The following RASAL3 variants were observed in gnomAD, a reference collection of about 807,000 sequenced individuals.
RASAL3 encodes the protein RAS protein activator like 3.
Under a neutral mutation model 105.5 loss-of-function variants are expected in RASAL3, and 74 were observed. The ratio of observed to expected loss-of-function variants is 0.70; its 90% CI spans 0.58 to 0.85. The LOEUF (loss-of-function observed/expected upper bound fraction) is 0.85, where lower values mean the gene tolerates loss of function less well. Among genes scored for constraint, RASAL3 ranks in the 40% least tolerant of loss-of-function variants. The pLI is 0.00. For synonymous variants in RASAL3, 579 were observed against 591.6 expected (o/e 0.98, Z 0.31); for missense variants, 1,352 against 1,392.0 (o/e 0.97, Z 0.46).
rs1970163283 is a variant in RASAL3, at chr19:15,451,939, C to T, written c.2893-1G>A. 6.2e-7 allele frequency: 1 copy of T among 1,610,552 alleles called. No homozygotes were observed. The highest frequency in any genetic ancestry group is 1.3e-5 in the African/African-American group (1 of 74,898). On this transcript the variant is annotated splice_acceptor_variant, in intron 17 of 17. Transcript: ENST00000343625. LOFTEE classifies it high-confidence loss of function. ...TCTCCATCTCATTTAGGCGGTGCTCCTGGGGAGGCAGTGGTGATGGGGTTC... is the reference window on the plus strand; with the variant it reads ...TCTCCATCTCATTTAGGCGGTGCTCTTGGGGAGGCAGTGGTGATGGGGTTC...
In RASAL3 at chr19:15,451,750, A is replaced by G. The variant is rs1258619741; in HGVS notation, c.*45T>C. ...GTCAGACACCCCCCCTAAGATGGCT[A>G]TCTCTCTGCTCCCAGACCACGTGTG... is the stretch of plus-strand genomic sequence containing the variant. On this transcript the variant is annotated 3_prime_UTR_variant, in exon 18 of 18. Transcript: ENST00000343625. 18 of 1,552,776 alleles carry G rather than the reference A, an allele frequency of 1.2e-5. No homozygotes were observed. Among genetic ancestry groups the G allele is most frequent in the East Asian group, 4.6e-5 (2 of 43,942 alleles).
At position 15,457,415 on chromosome 19, in the gene RASAL3, C is replaced by A; in HGVS notation, c.1308G>T (p.Ala436=). 6.9e-7 allele frequency: 1 copy of A among 1,448,266 alleles called. No homozygotes were observed. Among genetic ancestry groups the A allele is most frequent in the Non-Finnish European group, 9.1e-7 (1 of 1,104,088 alleles). 89.7% of individuals were successfully genotyped at this position (1,448,266 alleles called of 1,614,324 possible). A position where few individuals can be genotyped will look rare whatever the true frequency, so the allele number is the denominator to read the frequency against. The change falls in exon 9 of 18, where the codon GCG becomes GCT. Residue 436 remains alanine, a synonymous_variant. Coordinates refer to ENST00000343625, the MANE Select transcript of RASAL3 (RefSeq NM_022904.3). This position sits in a 1 kb window ranked among gnomAD's most constrained non-coding sequence, Gnocchi z 8.6. ...GCGCATAGTGGAAGGTGAGGAACTC[C>A]GCCAGCTCCTTGTAGCGCTCGGACG... is the stretch of plus-strand genomic sequence containing the variant. The part of the protein sequence containing the change: ...VLPSERYKEL[A]EFLTFHYARL...
chr19:15,457,703 C>G lies in RASAL3; in HGVS notation c.1020G>C (p.Thr340=). Reference sequence around the variant, plus strand: ...GCTGGCCTGGGCCGGCCCGAGGCGCCGTGCGTGCCAGCAGCGCGCCATCCA... The same window carrying G: ...GCTGGCCTGGGCCGGCCCGAGGCGCGGTGCGTGCCAGCAGCGCGCCATCCA... ...LWLDGALLAR[T]APRAGPGQLF... is the part of the protein sequence containing the mutation. The change falls in exon 9 of 18, where the codon ACG becomes ACC. Residue 340 remains threonine, a synonymous_variant. Coordinates refer to ENST00000343625, the MANE Select transcript of RASAL3 (RefSeq NM_022904.3). The surrounding 1 kb of genome is among the most constrained non-coding windows in gnomAD (Gnocchi z 8.6). The G allele has an allele frequency of 6.8e-7, 1 of 1,476,936 alleles. No individual in the cohort carries two copies. 91.5% of individuals were successfully genotyped at this position (1,476,936 alleles called of 1,614,324 possible).
rs1002252724 is a variant in RASAL3 at position 15,453,841 on chromosome 19, C to T, written c.2279+308G>A. 6.6e-6 allele frequency among the ~76,000 whole-genome samples: 1 copy of T among 151,932 alleles called. No homozygotes were observed. Among genetic ancestry groups the T allele is most frequent in the Non-Finnish European group, 1.5e-5 (1 of 67,982 alleles). On this transcript the variant is annotated intron_variant, in intron 14 of 17. Transcript: ENST00000343625. This position sits in a 1 kb window ranked among gnomAD's most constrained non-coding sequence, Gnocchi z 4.2. ...TAAGTTCCTGGCCTCAAGTGATCCTCCTGCCTCAGCCTCCCAAAGTGCTGG... is the reference window on the plus strand; with the variant it reads ...TAAGTTCCTGGCCTCAAGTGATCCTTCTGCCTCAGCCTCCCAAAGTGCTGG...
At position 15,456,416 on chromosome 19, in the gene RASAL3, T is replaced by C. The variant is rs1970321085; in HGVS notation, c.1576+86A>G. ...CCCAAAACACCACTCACTACCAGAA[T>C]CCAGGTTGCTCAAGGACTCTTAGAA... On this transcript the variant is annotated intron_variant, in intron 10 of 17. Transcript: ENST00000343625. The surrounding 1 kb of genome is among the most constrained non-coding windows in gnomAD (Gnocchi z 4.4). The C allele has an allele frequency of 6.4e-7, 1 of 1,562,262 alleles. No individual in the cohort carries two copies. The highest frequency in any genetic ancestry group is 1.2e-5 in the South Asian group (1 of 86,182).
Position 15,451,956 on chromosome 19 carries a change from A to G in RASAL3, c.2893-18T>C, listed in dbSNP as rs750594515. On this transcript the variant is annotated intron_variant, in intron 17 of 17. Transcript: ENST00000343625. ...CGGTGCTCCTGGGGAGGCAGTGGTG[A>G]TGGGGTTCAGAAACCAGGAGAGGGC... 2 of 1,611,332 alleles carry G rather than the reference A, an allele frequency of 1.2e-6. No homozygotes were observed. The highest frequency in any genetic ancestry group is 1.1e-5 in the South Asian group (1 of 91,042).
rs1253855109 is a variant in RASAL3, at chr19:15,457,270, C to T, written c.1431+22G>A. On this transcript the variant is annotated intron_variant, in intron 9 of 17. Transcript: ENST00000343625. The surrounding 1 kb of genome is among the most constrained non-coding windows in gnomAD (Gnocchi z 8.6). ...TCGGTCTACCCCTGGTAGCCCCGGT[C>T]CGCGCTGTCGCGGTGCCGCACCTGC... 41 of 1,256,896 alleles carry T rather than the reference C, an allele frequency of 3.3e-5. 1 individual carries two copies. Among genetic ancestry groups the T allele is most frequent in the South Asian group, 7.7e-5 (3 of 39,040 alleles). The allele number at this position is 1,256,896 out of a possible 1,614,324, so 77.9% of individuals were successfully genotyped here. A position where few individuals can be genotyped will look rare whatever the true frequency, so the allele number is the denominator to read the frequency against.
At chr19:15,459,991 T>A (rs369957581) in intron 6 of RASAL3, among the ~76,000 whole-genome samples, 81 of 152,312 alleles carry the variant, frequency 5.3e-4, no homozygotes, top group African/African-American at 1.8e-3. Context: ...ACCAGTTGAT[T>A]GACTTAGCTC....
Position 15,451,748 on chromosome 19 carries a change from C to T in RASAL3, c.*47G>A, listed in dbSNP as rs752407613. 1 of 1,551,376 alleles carries T rather than the reference C, an allele frequency of 6.4e-7. No individual in the cohort carries two copies. The highest frequency in any genetic ancestry group is 8.8e-7 in the Non-Finnish European group (1 of 1,141,946). ...AAGTCAGACACCCCCCCTAAGATGG[C>T]TATCTCTCTGCTCCCAGACCACGTG... On this transcript the variant is annotated 3_prime_UTR_variant, in exon 18 of 18. Transcript: ENST00000343625.
Position 15,456,442 on chromosome 19 carries a change from C to CTTCA in RASAL3, c.1576+56_1576+59dup. On this transcript the variant is annotated intron_variant, in intron 10 of 17. Transcript: ENST00000343625. This position sits in a 1 kb window ranked among gnomAD's most constrained non-coding sequence, Gnocchi z 4.4. ...CCAGGTTGCTCAAGGACTCTTAGAA[C>CTTCA]TTCACCCAGGTCCCCTAGCTCACCA... The CTTCA allele has an allele frequency of 6.2e-7, 1 of 1,600,442 alleles. No homozygotes were observed.
chr19:15,459,190 C>T (rs1313432845), intron 6 of RASAL3, among the ~76,000 whole-genome samples: 1 of 151,826 alleles, frequency 6.6e-6, no homozygotes, highest in Non-Finnish European at 1.5e-5. Context: ...CCACCCGCCT[C>T]AGCCTCACCA....
chr19:15,464,120 G>T lies in RASAL3; in HGVS notation c.239C>A (p.Thr80Asn). 1 of 1,613,520 alleles carries T rather than the reference G, an allele frequency of 6.2e-7. No individual in the cohort carries two copies. Among genetic ancestry groups the T allele is most frequent in the Non-Finnish European group, 8.5e-7 (1 of 1,179,806 alleles). The change falls in exon 2 of 18, where the codon ACC (threonine) becomes AAC (asparagine). Residue 80 changes from threonine to asparagine, a missense_variant. Thr to Asn is a moderately conservative substitution (Grantham distance 65). Transcript: ENST00000343625. Reference sequence around the variant, plus strand: ...GGCCTTGGAGAGTCGAAGGCGACTGGTCCGTGACTCCTTGGGAGGCGCAGA... The same window carrying T: ...GGCCTTGGAGAGTCGAAGGCGACTGTTCCGTGACTCCTTGGGAGGCGCAGA... ...VLSAPPKESR[T>N]SRLRLSKALW...
At position 15,453,593 on chromosome 19, in the gene RASAL3, T is replaced by G; in HGVS notation, c.2280-96A>C. On this transcript the variant is annotated intron_variant, in intron 14 of 17. Transcript: ENST00000343625. This position sits in a 1 kb window ranked among gnomAD's most constrained non-coding sequence, Gnocchi z 4.2. ...AGTGACCTCACCCCCCACGTGAACTTGTCCTTTCTTTTTTTTTTTTGAGAC... is the reference window on the plus strand; with the variant it reads ...AGTGACCTCACCCCCCACGTGAACTGGTCCTTTCTTTTTTTTTTTTGAGAC... The G allele has an allele frequency of 1.6e-6, 2 of 1,267,222 alleles. No homozygotes were observed. Among genetic ancestry groups the G allele is most frequent in the East Asian group, 3.1e-5 (1 of 31,894 alleles). 78.5% of individuals were successfully genotyped at this position (1,267,222 alleles called of 1,614,324 possible).
intron 2 of RASAL3, 71 bp from the exon 3 acceptor site, chr19:15,461,678 C>T (rs889160520): frequency 1.5e-5 from 22 of 1,431,968 alleles, no homozygotes; most frequent in African/African-American, 5.8e-5. Flanking sequence ...TTTCCATTCC[C>T]GAAGGCTCAT....
intron 11 of RASAL3, among the ~76,000 whole-genome samples, chr19:15,455,896 T>C (rs1001128259): frequency 9.9e-5 from 15 of 152,170 alleles, no homozygotes; most frequent in African/African-American, 1.4e-4. Flanking sequence ...AGCAATCCTC[T>C]TGTCTCGGCC....
rs1350976454 is a variant in RASAL3 at position 15,456,603 on chromosome 19, C to T, written c.1475G>A (p.Gly492Glu). 3 of 1,613,404 alleles carry T rather than the reference C, an allele frequency of 1.9e-6. No individual in the cohort carries two copies. Among genetic ancestry groups the T allele is most frequent in the Non-Finnish European group, 2.5e-6 (3 of 1,179,742 alleles). The part of the protein sequence containing the change: ...DLGTAELARC[G>E]GREALLFREN... The stretch of plus-strand genomic sequence containing the variant: ...CCGGAACAGCAGCGCCTCACGGCCT[C>T]CACAGCGCGCCAGCTCCGCAGTGCC... Residue 492 changes from glycine to glutamate, a missense_variant, in exon 10 of 18, where the codon GGA becomes GAA. Physicochemically the swap from Gly to Glu is moderately conservative, Grantham distance 98. Coordinates refer to ENST00000343625, the MANE Select transcript of RASAL3 (RefSeq NM_022904.3). The surrounding 1 kb of genome is among the most constrained non-coding windows in gnomAD (Gnocchi z 4.4).
chr19:15,458,763 G>T, intron 6 of RASAL3, 108 bp from the exon 7 acceptor site: 1 of 1,415,680 alleles, frequency 7.1e-7, no homozygotes, highest in Non-Finnish European at 9.4e-7. Flanking sequence ...TTCGGATCCC[G>T]TTTCTCCCCC....
Position 15,451,898 on chromosome 19 carries a change from A to T in RASAL3, c.2933T>A (p.Leu978Gln). Reference sequence around the variant, plus strand: ...CTGCAGGCTCTGGACAGCATCCCTCAGCTGAGCCTGAGTTCTCTCCATCTC... The same window carrying T: ...CTGCAGGCTCTGGACAGCATCCCTCTGCTGAGCCTGAGTTCTCTCCATCTC... Reference protein sequence around the residue: ...LNEMERTQAQLRDAVQSLQLS... With the variant: ...LNEMERTQAQQRDAVQSLQLS... Residue 978 changes from leucine to glutamine, a missense_variant, in exon 18 of 18, where the codon CTG becomes CAG. By Grantham distance (113) the Leu-to-Gln change is moderately radical. Coordinates refer to ENST00000343625, the MANE Select transcript of RASAL3 (RefSeq NM_022904.3). 1 of 1,608,566 alleles carries T rather than the reference A, an allele frequency of 6.2e-7. No individual in the cohort carries two copies. Among genetic ancestry groups the T allele is most frequent in the Non-Finnish European group, 8.5e-7 (1 of 1,175,434 alleles).
At position 15,456,655 on chromosome 19, in the gene RASAL3, G is replaced by A; in HGVS notation, c.1432-9C>T. ...AGGTCAGTCACCAGCGCCTAGGAAG[G>A]GCAGGAGGTCAGGTTGCACCAGATG... On this transcript the variant is annotated splice_polypyrimidine_tract_variant and intron_variant, in intron 9 of 17. Coordinates refer to ENST00000343625, the MANE Select transcript of RASAL3 (RefSeq NM_022904.3). This position sits in a 1 kb window ranked among gnomAD's most constrained non-coding sequence, Gnocchi z 4.4. 6.2e-7 allele frequency: 1 copy of A among 1,610,168 alleles called. No homozygotes were observed. Among genetic ancestry groups the A allele is most frequent in the Non-Finnish European group, 8.5e-7 (1 of 1,179,034 alleles).
Sources: allele counts gnomAD v4.1 joint callset (sites outside exome capture counted in the v4.1 genomes callset), GRCh38; gene constraint gnomAD v4.1.1; non-coding constraint Gnocchi (gnomAD v3.1); transcripts MANE v1.5; gene names NCBI Gene and HGNC (gene_info 2026-07-23, HGNC 2026-07-21).